SOS2: variants seen among roughly 807,000 people sequenced by gnomAD.
SOS2 encodes the protein son of sevenless homolog 2.
SOS2 carries 65 observed loss-of-function variants against 148.2 expected under a neutral mutation model. The ratio of observed to expected loss-of-function variants is 0.44; its 90% CI spans 0.36 to 0.54. SOS2 has a LOEUF of 0.54. Among genes scored for constraint, SOS2 ranks in the 20% least tolerant of loss-of-function variants. The pLI is 0.00. For synonymous variants in SOS2, 539 were observed against 537.1 expected, an observed-to-expected ratio of 1.00 and a Z score of -0.05; for missense variants, 1,341 against 1,590.2, an observed-to-expected ratio of 0.84 and a Z score of 2.67.
At chr14:50,175,428 CTTT>C (rs71441277) in intron 7 of SOS2, among the ~76,000 whole-genome samples, 78 of 119,830 alleles carry the variant, frequency 6.5e-4, no homozygotes, top group African/African-American at 2.1e-3. Flanking sequence ...AGGAGTAATA[CTTT>C]TTTTTTTTTT....
At chr14:50,175,121 G>A (rs1342154441) in intron 7 of SOS2, among the ~76,000 whole-genome samples, 1 of 152,188 alleles carries the variant, frequency 6.6e-6, no homozygotes, top group Non-Finnish European at 1.5e-5. Context: ...CATTATTAAT[G>A]TCATGGTCTC....
At chr14:50,137,151 T>C (rs931891548) in intron 18 of SOS2, among the ~76,000 whole-genome samples, 1 of 152,200 alleles carries the variant, frequency 6.6e-6, no homozygotes, top group Admixed American at 6.5e-5. Flanking sequence ...ATAACATTCA[T>C]TTAGCATAAA....
At chr14:50,175,382 G>A (rs766058570) in intron 7 of SOS2, among the ~76,000 whole-genome samples, 2 of 149,084 alleles carry the variant, frequency 1.3e-5, no homozygotes, top group Non-Finnish European at 3.0e-5. Flanking sequence ...ATTCTTTTGT[G>A]AACTCTTTTG....
chr14:50,150,139 G>A lies in SOS2; in HGVS notation c.2253C>T (p.Thr751=), dbSNP rs1050544302. The change falls in exon 14 of 23, where the codon ACC becomes ACT. Residue 751 remains threonine (T), a synonymous_variant. Coordinates refer to ENST00000216373, the MANE Select transcript of SOS2 (RefSeq NM_006939.4). ...AQANGVSHNI[T]FESPPPPIEW... is the part of the protein sequence containing the mutation. ...CAATTGGTGGAGGTGGACTTTCAAA[G>A]GTAATATTATGGCTTACTCCGTTTG... 6 of 1,613,024 alleles carry A rather than the reference G, an allele frequency of 3.7e-6. No individual in the cohort carries two copies. The African/African-American group carries it at 8.0e-5, about 22-fold the overall frequency.
chr14:50,149,190 C>A (rs927833606), intron 14 of SOS2, among the ~76,000 whole-genome samples: 5 of 152,152 alleles, frequency 3.3e-5, no homozygotes, highest in Non-Finnish European at 5.9e-5. Context: ...GCCATCATAC[C>A]CAGCCAAGCA....
In SOS2 at chr14:50,158,677, T is replaced by C. The variant is rs201880224; in HGVS notation, c.1853-31A>G. On this transcript the variant is annotated intron_variant, in intron 10 of 22. Coordinates refer to ENST00000216373, the MANE Select transcript of SOS2 (RefSeq NM_006939.4). ...AAGGCAGAGCATAAAATAGGTTTCA[T>C]GTTTAATGTATTCAGTTTAATTAAC... The C allele has an allele frequency of 1.1e-4, 158 of 1,379,114 alleles. No individual in the cohort carries two copies. In the African/African-American group the frequency reaches 2.0e-3, roughly 18 times the overall value. 85.4% of individuals were successfully genotyped at this position (1,379,114 alleles called of 1,614,324 possible).
chr14:50,224,069 G>A (rs1381152155), intron 1 of SOS2, among the ~76,000 whole-genome samples: 1 of 151,544 alleles, frequency 6.6e-6, no homozygotes, highest in Non-Finnish European at 1.5e-5. Flanking sequence ...CAGATCACAA[G>A]GTCAGGAGTT....
intron 18 of SOS2, 75 bp downstream of exon 18, chr14:50,138,537 C>CT (rs1305718702): frequency 3.0e-6 from 2 of 657,246 alleles, no homozygotes; most frequent in African/African-American, 4.0e-5. Flanking sequence ...AATAGTATGT[C>CT]TTATTCATTC....
chr14:50,148,092 A>C (rs1248679841), intron 14 of SOS2, among the ~76,000 whole-genome samples: 1 of 152,148 alleles, frequency 6.6e-6, no homozygotes, highest in African/African-American at 2.4e-5. Flanking sequence ...TGTTTTCTTA[A>C]AGTGGCTCTA....
intron 4 of SOS2, among the ~76,000 whole-genome samples, chr14:50,190,937 T>C (rs1014006559): frequency 6.6e-6 from 1 of 152,136 alleles, no homozygotes; most frequent in African/African-American, 2.4e-5. Context: ...ACATAAGACA[T>C]AAAAACACAC....
chr14:50,187,468 C>A (rs902970474), intron 5 of SOS2, among the ~76,000 whole-genome samples: 1 of 151,712 alleles, frequency 6.6e-6, no homozygotes, highest in African/African-American at 2.4e-5. Flanking sequence ...CTGCCTCAGC[C>A]TCCGGAGTAG....
intron 4 of SOS2, among the ~76,000 whole-genome samples, chr14:50,193,108 G>A (rs1223086794): frequency 6.6e-6 from 1 of 151,978 alleles, no homozygotes; most frequent in Non-Finnish European, 1.5e-5. Context: ...CCAAGTAGCT[G>A]GGATGCACCA....
At chr14:50,168,487 G>A (rs557201220) in intron 8 of SOS2, among the ~76,000 whole-genome samples, 26 of 152,284 alleles carry the variant, frequency 1.7e-4, no homozygotes, top group African/African-American at 5.5e-4. Context: ...CTCCCAAAGT[G>A]CTGGGATTAC....
chr14:50,228,581 G>A (rs1057176015), intron 1 of SOS2, among the ~76,000 whole-genome samples: 5 of 152,280 alleles, frequency 3.3e-5, no homozygotes, highest in African/African-American at 1.2e-4. Flanking sequence ...GCATGGAAGT[G>A]ATGACTTTAC....
intron 1 of SOS2, among the ~76,000 whole-genome samples, chr14:50,224,364 C>CACACATAT (rs1339727223): frequency 9.1e-6 from 1 of 109,318 alleles, no homozygotes; most frequent in African/African-American, 3.6e-5. Context: ...CACACACACA[C>CACACATAT]ATATATATAA....
At chr14:50,220,039 T>C (rs1244039094) in intron 1 of SOS2, among the ~76,000 whole-genome samples, 1 of 150,370 alleles carries the variant, frequency 6.7e-6, no homozygotes, top group Non-Finnish European at 1.5e-5. Context: ...GTTTTCGGTC[T>C]CCTCCTCCTA....
intron 1 of SOS2, among the ~76,000 whole-genome samples, chr14:50,221,337 G>C (rs1887196708): frequency 6.6e-6 from 1 of 152,154 alleles, no homozygotes; most frequent in South Asian, 2.1e-4. Flanking sequence ...ACCCACGTCT[G>C]TCAGGACACT....
intron 18 of SOS2, among the ~76,000 whole-genome samples, chr14:50,137,153 T>C (rs12896468): frequency 0.3 from 45,699 of 152,064 alleles, 7,851 homozygotes; most frequent in Middle Eastern, 0.4. Context: ...AACATTCATT[T>C]AGCATAAACA....
At chr14:50,217,308 G>C (rs151310321) in intron 1 of SOS2, among the ~76,000 whole-genome samples, 129 of 152,168 alleles carry the variant, frequency 8.5e-4, no homozygotes, top group Middle Eastern at 3.4e-3. Context: ...TATATAAAAT[G>C]ATTCAATCAG....
Sources: allele counts gnomAD v4.1 joint callset (sites outside exome capture counted in the v4.1 genomes callset), GRCh38; gene constraint gnomAD v4.1.1; transcripts MANE v1.5; gene names NCBI Gene and HGNC (gene_info 2026-07-23, HGNC 2026-07-21).